Variants in MAN2A1 observed in about 807,000 individuals in gnomAD.
MAN2A1 encodes the protein mannosidase alpha class 2A member 1.
In MAN2A1, 76 loss-of-function variants were observed where a neutral mutation model predicts 142.6. The observed-to-expected ratio is 0.53, with a 90% CI of 0.44 to 0.65. MAN2A1 has a LOEUF of 0.65. MAN2A1 is among the 30% of genes least tolerant of loss of function. MAN2A1 has a pLI of 0.00. For synonymous variants in MAN2A1, 559 were observed against 473.2 expected, an observed-to-expected ratio of 1.18 and a Z score of -2.35; for missense variants, 1,311 against 1,365.1, an observed-to-expected ratio of 0.96 and a Z score of 0.62.
chr5:109,755,530 C>G (rs780823431), intron 5 of MAN2A1, 74 bp downstream of exon 5: 10 of 1,164,346 alleles, frequency 8.6e-6, no homozygotes, highest in Non-Finnish European at 1.1e-5. Context: ...AGGCTCTGTT[C>G]TTTTTTCGAG....
intron 15 of MAN2A1, among the ~76,000 whole-genome samples, chr5:109,823,001 G>A (rs1754668542): frequency 6.6e-6 from 1 of 152,184 alleles, no homozygotes; most frequent in Admixed American, 6.5e-5. Flanking sequence ...TGTTTAAGTA[G>A]TTCATATTGC....
intron 5 of MAN2A1, among the ~76,000 whole-genome samples, chr5:109,763,094 A>G (rs574245380): frequency 7.2e-5 from 11 of 152,210 alleles, no homozygotes; most frequent in Non-Finnish European, 1.3e-4. Flanking sequence ...ATTGTGGATC[A>G]GATTGCTTCA....
At position 109,855,302 on chromosome 5, in the gene MAN2A1, C is replaced by G; in HGVS notation, c.3139C>G (p.His1047Asp). ...ACAGTCATCTTTGCCTTGTGACATT[C>G]ATCTGGTTAATTTGAGAACAATACA... is the stretch of plus-strand genomic sequence containing the variant. ...PLQSSLPCDI[H>D]LVNLRTIQSK... is the part of the protein sequence containing the mutation. The change falls in exon 20 of 22, where the codon CAT becomes GAT. Residue 1047 changes from histidine to aspartate, a missense_variant. Physicochemically the swap from His to Asp is moderately conservative, Grantham distance 81. Transcript: ENST00000261483. 1.9e-6 allele frequency: 3 copies of G among 1,597,170 alleles called. No individual in the cohort carries two copies. Among genetic ancestry groups the G allele is most frequent in the Non-Finnish European group, 2.6e-6 (3 of 1,174,696 alleles).
intron 12 of MAN2A1, among the ~76,000 whole-genome samples, chr5:109,809,652 T>C (rs1754266231): frequency 6.6e-6 from 1 of 152,186 alleles, no homozygotes. Flanking sequence ...TGTAATCTTA[T>C]TTTTACTGGC....
intron 12 of MAN2A1, among the ~76,000 whole-genome samples, chr5:109,799,815 A>G (rs1363701842): frequency 2.0e-5 from 3 of 149,650 alleles, no homozygotes; most frequent in Admixed American, 1.3e-4. Context: ...TTGGCCGGGC[A>G]TGGTGACTTA....
chr5:109,738,489 T>G (rs1376569458), intron 4 of MAN2A1, among the ~76,000 whole-genome samples: 1 of 152,144 alleles, frequency 6.6e-6, no homozygotes, highest in Non-Finnish European at 1.5e-5. Flanking sequence ...TGCTGTCCTT[T>G]TTACTTGAAG....
At chr5:109,748,013 G>T (rs1422376970) in intron 4 of MAN2A1, among the ~76,000 whole-genome samples, 1 of 152,144 alleles carries the variant, frequency 6.6e-6, no homozygotes, top group Non-Finnish European at 1.5e-5. Context: ...GAATCTTTTA[G>T]TAAAGTCTGT....
intron 4 of MAN2A1, among the ~76,000 whole-genome samples, chr5:109,732,291 A>G (rs1397066190): frequency 6.6e-6 from 1 of 150,496 alleles, no homozygotes; most frequent in African/African-American, 2.5e-5. Flanking sequence ...GGTTGCAAAA[A>G]TTTTCTCCCA....
At position 109,820,877 on chromosome 5, in the gene MAN2A1, C is replaced by T. The variant is rs368319960; in HGVS notation, c.2451+535C>T. Among the ~76,000 whole-genome samples, 4 of 152,146 alleles carry T rather than the reference C, an allele frequency of 2.6e-5. No homozygotes were observed. The East Asian group carries it at 7.7e-4, about 29-fold the overall frequency. Reference sequence around the variant, plus strand: ...ATGTTCAGTTAGGATAAACAATGAACATGGGAAGAAACTAGATTTTACGTA... The same window carrying T: ...ATGTTCAGTTAGGATAAACAATGAATATGGGAAGAAACTAGATTTTACGTA... On this transcript the variant is annotated intron_variant, in intron 15 of 21. Transcript: ENST00000261483.
intron 1 of MAN2A1, among the ~76,000 whole-genome samples, chr5:109,709,522 A>G (rs1423694894): frequency 6.6e-6 from 1 of 152,226 alleles, no homozygotes; most frequent in East Asian, 1.9e-4. Flanking sequence ...TGGAAGGATC[A>G]CAGTGAGGCC....
At chr5:109,745,291 A>G (rs1752370545) in intron 4 of MAN2A1, among the ~76,000 whole-genome samples, 2 of 152,220 alleles carry the variant, frequency 1.3e-5, no homozygotes, top group South Asian at 4.1e-4. Flanking sequence ...CATACAATAC[A>G]ATAAATACAA....
intron 20 of MAN2A1, chr5:109,862,727 C>G (rs1755786882): frequency 6.6e-6 from 1 of 152,150 alleles, no homozygotes; most frequent in Non-Finnish European, 1.5e-5. Flanking sequence ...TCTAGACAGA[C>G]TTTGAAACTG....
At chr5:109,865,887 C>T (rs961698722) in intron 21 of MAN2A1, among the ~76,000 whole-genome samples, 3 of 152,212 alleles carry the variant, frequency 2.0e-5, no homozygotes, top group Non-Finnish European at 4.4e-5. Flanking sequence ...TCAGAGAAGG[C>T]AGCTGGGCTG....
chr5:109,847,587 G>A (rs1755373624), intron 18 of MAN2A1, 70 bp from the exon 19 acceptor site: 18 of 1,328,406 alleles, frequency 1.4e-5, no homozygotes, highest in Non-Finnish European at 1.6e-5. Flanking sequence ...TGCTACTTAA[G>A]TGATGCTCAA....
chr5:109,798,774 C>G (rs1046221138), intron 12 of MAN2A1, among the ~76,000 whole-genome samples: 3 of 152,106 alleles, frequency 2.0e-5, no homozygotes, highest in Admixed American at 2.0e-4. Context: ...CTCCGCCTCC[C>G]AGGTTCACAC....
At chr5:109,840,512 G>A (rs1561538513) in intron 16 of MAN2A1, 1 of 499,698 alleles carries the variant, frequency 2.0e-6, no homozygotes, top group Admixed American at 2.1e-5. Context: ...ACCATCTCCT[G>A]CCATAAGCTT....
At chr5:109,748,736 C>T (rs756389386) in intron 4 of MAN2A1, among the ~76,000 whole-genome samples, 2 of 151,776 alleles carry the variant, frequency 1.3e-5, no homozygotes, top group African/African-American at 2.4e-5. Flanking sequence ...GGACAGCTAG[C>T]TGAAAGAAGG....
intron 5 of MAN2A1, among the ~76,000 whole-genome samples, chr5:109,760,634 G>A (rs113832239): frequency 0.071 from 10,740 of 152,088 alleles, 418 homozygotes; most frequent in African/African-American, 0.11. Flanking sequence ...ATCCTGTCCC[G>A]CATCTGTTGT....
chr5:109,808,594 G>A (rs1485671846), intron 12 of MAN2A1, among the ~76,000 whole-genome samples: 1 of 151,578 alleles, frequency 6.6e-6, no homozygotes, highest in Non-Finnish European at 1.5e-5. Context: ...ATATTGATTA[G>A]CTAATATAAT....
Sources: allele counts gnomAD v4.1 joint callset (sites outside exome capture counted in the v4.1 genomes callset), GRCh38; gene constraint gnomAD v4.1.1; transcripts MANE v1.5; gene names NCBI Gene and HGNC (gene_info 2026-07-23, HGNC 2026-07-21).